Variants in NEUROD6 observed in about 807,000 individuals in gnomAD.
The protein encoded by NEUROD6 is neuronal differentiation 6.
Under a neutral mutation model 24.1 loss-of-function variants are expected in NEUROD6, and 5 were observed. The ratio of observed to expected loss-of-function variants is 0.21; its 90% CI spans 0.11 to 0.44. The LOEUF (loss-of-function observed/expected upper bound fraction) is 0.44. NEUROD6 is among the 20% of genes least tolerant of loss of function. The probability of loss-of-function intolerance (pLI) is 0.99; values close to 1 mark genes in which losing one functional copy is unlikely to be tolerated. For synonymous variants in NEUROD6, 182 were observed against 154.1 expected (o/e 1.18, Z -1.34); for missense variants, 325 against 409.5 (o/e 0.79, Z 1.78).
At chr7:31,339,534 A>G (rs1783102404) in intron 1 of NEUROD6, among the ~76,000 whole-genome samples, 1 of 152,190 alleles carries the variant, frequency 6.6e-6, no homozygotes, top group Non-Finnish European at 1.5e-5. Context: ...TGAAACATAT[A>G]ATTATTGTGA....
At position 31,338,996 on chromosome 7, in the gene NEUROD6, C is replaced by T. The variant is rs778117324; in HGVS notation, c.273G>A (p.Arg91=). The T allele has an allele frequency of 1.9e-6, 3 of 1,614,010 alleles. No individual in the cohort carries two copies. The highest frequency in any genetic ancestry group is 4.5e-5 in the East Asian group (2 of 44,886). ...TCGCTTCCTGTCTCCTGAACTTGAC[C>T]CTTTCCAATCGCAGCTTTGTTGTCT... ...KKKTTKLRLE[R]VKFRRQEANA... The change falls in exon 2 of 2, where the codon AGG becomes AGA. Residue 91 remains arginine, a synonymous_variant. Coordinates refer to ENST00000297142, the MANE Select transcript of NEUROD6 (RefSeq NM_022728.4). The surrounding 1 kb of genome is among the most constrained non-coding windows in gnomAD (Gnocchi z 5.1).
chr7:31,339,118 C>T lies in NEUROD6; in HGVS notation c.151G>A (p.Ala51Thr). 1 of 1,613,958 alleles carries T rather than the reference C, an allele frequency of 6.2e-7. No homozygotes were observed. Among genetic ancestry groups the T allele is most frequent in the Admixed American group, 1.7e-5 (1 of 60,002 alleles). ...TCTTTCTCGGTTTCTTCTCCAGGGGCCCTTTTGATGCTCTTTCCTCGAAGG... is the reference window on the plus strand; with the variant it reads ...TCTTTCTCGGTTTCTTCTCCAGGGGTCCTTTTGATGCTCTTTCCTCGAAGG... ...IVLRGKSIKRAPGEETEKEEE... is the reference protein window; with the variant it reads ...IVLRGKSIKRTPGEETEKEEE... Residue 51 changes from alanine to threonine, a missense_variant, in exon 2 of 2, where the codon GCC becomes ACC. Ala to Thr is a moderately conservative substitution (Grantham distance 58, BLOSUM62 0). Around this residue, in one of 3 missense-constraint regions of NEUROD6, gnomAD observed 109 missense variants for 107.3 expected, o/e 1.02. Coordinates refer to ENST00000297142, the MANE Select transcript of NEUROD6 (RefSeq NM_022728.4).
rs1187880993 is a variant in NEUROD6, at chr7:31,338,744, G to A, written c.525C>T (p.Asn175=). ...TGAGCTGCAAGCAGCCTGCCACCAA[G>A]TTTGTAGTTGGCTGGGAAAGACCTT... is the stretch of plus-strand genomic sequence containing the variant. ...LCKGLSQPTT[N]LVAGCLQLNA... is the part of the protein sequence containing the mutation. Residue 175 remains asparagine (N), a synonymous_variant, in exon 2 of 2, where the codon AAC becomes AAT. Transcript: ENST00000297142. This position sits in a 1 kb window ranked among gnomAD's most constrained non-coding sequence, Gnocchi z 5.1. 2 of 1,614,130 alleles carry A rather than the reference G, an allele frequency of 1.2e-6. No homozygotes were observed. Among genetic ancestry groups the A allele is most frequent in the South Asian group, 2.2e-5 (2 of 91,080 alleles).
Position 31,338,197 on chromosome 7 carries a change from G to C in NEUROD6, c.*58C>G, listed in dbSNP as rs1033588380. On this transcript the variant is annotated 3_prime_UTR_variant, in exon 2 of 2. Coordinates refer to ENST00000297142, the MANE Select transcript of NEUROD6 (RefSeq NM_022728.4). The surrounding 1 kb of genome is among the most constrained non-coding windows in gnomAD (Gnocchi z 5.1). ...CCAATTACTCAGCCCACAAGCATCT[G>C]CTTTGTCTTAATTAGACAGGGGAGG... 14 of 1,423,578 alleles carry C rather than the reference G, an allele frequency of 9.8e-6. No individual in the cohort carries two copies. Among genetic ancestry groups the C allele is most frequent in the Non-Finnish European group, 1.3e-5 (13 of 1,025,164 alleles). The allele number at this position is 1,423,578 out of a possible 1,614,324, so 88.2% of individuals were successfully genotyped here. A position where few individuals can be genotyped will look rare whatever the true frequency, so the allele number is the denominator to read the frequency against.
intron 1 of NEUROD6, 99 bp from the exon 2 acceptor site, chr7:31,339,388 G>T (rs1016030382): frequency 3.1e-6 from 3 of 975,250 alleles, no homozygotes; most frequent in Non-Finnish European, 4.2e-6. Context: ...ACAAAAACAC[G>T]TGAAAAAGAC....
Position 31,339,115 on chromosome 7 carries a change from G to A in NEUROD6, c.154C>T (p.Pro52Ser). The A allele has an allele frequency of 6.2e-7, 1 of 1,613,504 alleles. No individual in the cohort carries two copies. Among genetic ancestry groups the A allele is most frequent in the Non-Finnish European group, 8.5e-7 (1 of 1,179,898 alleles). Residue 52 changes from proline to serine, a missense_variant, in exon 2 of 2, where the codon CCT becomes TCT. By Grantham distance (74) the Pro-to-Ser change is moderately conservative. Transcript: ENST00000297142. ...VLRGKSIKRA[P>S]GEETEKEEEE... ...TCTTCTTTCTCGGTTTCTTCTCCAG[G>A]GGCCCTTTTGATGCTCTTTCCTCGA...
rs201546258 is a variant in NEUROD6 at position 31,339,118 on chromosome 7, C to A, written c.151G>T (p.Ala51Ser). Residue 51 changes from alanine (A) to serine (S), a missense_variant, in exon 2 of 2, where the codon GCC (alanine) becomes TCC (serine). Physicochemically the swap from Ala to Ser is moderately conservative, Grantham distance 99. Around this residue, in one of 3 missense-constraint regions of NEUROD6, gnomAD observed 109 missense variants for 107.3 expected, o/e 1.02. Transcript: ENST00000297142. Reference protein sequence around the residue: ...IVLRGKSIKRAPGEETEKEEE... With the variant: ...IVLRGKSIKRSPGEETEKEEE... ...TCTTTCTCGGTTTCTTCTCCAGGGG[C>A]CCTTTTGATGCTCTTTCCTCGAAGG... 3 of 1,613,958 alleles carry A rather than the reference C, an allele frequency of 1.9e-6. No homozygotes were observed. The highest frequency in any genetic ancestry group is 2.7e-5 in the African/African-American group (2 of 74,966).
intron 1 of NEUROD6, among the ~76,000 whole-genome samples, chr7:31,340,154 TCTAG>T (rs1783107858): frequency 6.6e-6 from 1 of 152,218 alleles, no homozygotes; most frequent in Non-Finnish European, 1.5e-5. Flanking sequence ...GAAGTCTCCC[TCTAG>T]CTAATATCTG....
chr7:31,339,379 C>A (rs910531014), intron 1 of NEUROD6, 90 bp from the exon 2 acceptor site: 1 of 1,052,764 alleles, frequency 9.5e-7, no homozygotes. Flanking sequence ...CATAAGATTA[C>A]AAAAACACGT....
Position 31,338,215 on chromosome 7 carries a change from A to G in NEUROD6, c.*40T>C, listed in dbSNP as rs1305780077. On this transcript the variant is annotated 3_prime_UTR_variant, in exon 2 of 2. Transcript: ENST00000297142. This position sits in a 1 kb window ranked among gnomAD's most constrained non-coding sequence, Gnocchi z 5.1. ...AGCATCTGCTTTGTCTTAATTAGAC[A>G]GGGGAGGTGAATGACCACTGTTTAT... 4 of 1,538,324 alleles carry G rather than the reference A, an allele frequency of 2.6e-6. No homozygotes were observed. Among genetic ancestry groups the G allele is most frequent in the Admixed American group, 1.7e-5 (1 of 59,084 alleles).
At position 31,338,123 on chromosome 7, in the gene NEUROD6, T is replaced by G. The variant is rs1022083327; in HGVS notation, c.*132A>C. 1.8e-5 allele frequency: 12 copies of G among 659,768 alleles called. No homozygotes were observed. The African/African-American group carries it at 2.0e-4, about 11-fold the overall frequency. 40.9% of individuals were successfully genotyped at this position (659,768 alleles called of 1,614,324 possible). Reference sequence around the variant, plus strand: ...ATTATTACATAGAAAATTCTCACAATAGTTGAAACACACTTCAGAAACTAG... The same window carrying G: ...ATTATTACATAGAAAATTCTCACAAGAGTTGAAACACACTTCAGAAACTAG... On this transcript the variant is annotated 3_prime_UTR_variant, in exon 2 of 2. Coordinates refer to ENST00000297142, the MANE Select transcript of NEUROD6 (RefSeq NM_022728.4). The surrounding 1 kb of genome is among the most constrained non-coding windows in gnomAD (Gnocchi z 5.1).
Position 31,339,147 on chromosome 7 carries a change from A to G in NEUROD6, c.122T>C (p.Ile41Thr). The part of the protein sequence containing the change: ...IKKPESFSKQ[I>T]VLRGKSIKRA... ...TTTGATGCTCTTTCCTCGAAGGACA[A>G]TCTGTTTGGAAAAGCTTTCTGGCTT... Residue 41 changes from isoleucine (I) to threonine (T), a missense_variant, in exon 2 of 2, where the codon ATT becomes ACT. Physicochemically the swap from Ile to Thr is moderately conservative, Grantham distance 89 (BLOSUM62 -1). Coordinates refer to ENST00000297142, the MANE Select transcript of NEUROD6 (RefSeq NM_022728.4). The G allele has an allele frequency of 6.2e-7, 1 of 1,613,838 alleles. No homozygotes were observed. Among genetic ancestry groups the G allele is most frequent in the Non-Finnish European group, 8.5e-7 (1 of 1,179,982 alleles).
chr7:31,338,963 G>A lies in NEUROD6; in HGVS notation c.306C>T (p.Arg102=), dbSNP rs774543274. 2.5e-6 allele frequency: 4 copies of A among 1,614,022 alleles called. No individual in the cohort carries two copies. The highest frequency in any genetic ancestry group is 1.7e-5 in the Admixed American group (1 of 60,008). ...VKFRRQEANA[R]ERNRMHGLND... ...TGAGGCCGTGCATCCTGTTCCTCTC[G>A]CGCGCGTTCGCTTCCTGTCTCCTGA... Residue 102 remains arginine (R), a synonymous_variant, in exon 2 of 2, where the codon CGC becomes CGT. Coordinates refer to ENST00000297142, the MANE Select transcript of NEUROD6 (RefSeq NM_022728.4). The surrounding 1 kb of genome is among the most constrained non-coding windows in gnomAD (Gnocchi z 5.1).
At chr7:31,339,624 T>C (rs925410739) in intron 1 of NEUROD6, among the ~76,000 whole-genome samples, 1 of 152,184 alleles carries the variant, frequency 6.6e-6, no homozygotes, top group Admixed American at 6.5e-5. Context: ...TTCAAGCAAA[T>C]GCAAAACATG....
chr7:31,338,455 A>G lies in NEUROD6; in HGVS notation c.814T>C (p.Ser272Pro), dbSNP rs1783090883. 1 of 1,613,990 alleles carries G rather than the reference A, an allele frequency of 6.2e-7. No individual in the cohort carries two copies. The change falls in exon 2 of 2, where the codon TCC becomes CCC. Residue 272 changes from serine (S) to proline (P), a missense_variant. This residue lies in a region of NEUROD6 where 175 missense variants were observed against 201.3 expected (regional missense o/e 0.87). Coordinates refer to ENST00000297142, the MANE Select transcript of NEUROD6 (RefSeq NM_022728.4). This position sits in a 1 kb window ranked among gnomAD's most constrained non-coding sequence, Gnocchi z 5.1. The part of the protein sequence containing the change: ...PPPINYNGIF[S>P]LKQEETLDYG... ...TCCAAGGTTTCTTCTTGCTTCAGGG[A>G]AAATATCCCATTATAGTTAATTGGG...
In NEUROD6 at chr7:31,338,173, C is replaced by T. The variant is rs967686447; in HGVS notation, c.*82G>A. 8.7e-6 allele frequency: 10 copies of T among 1,146,902 alleles called. No individual in the cohort carries two copies. Among genetic ancestry groups the T allele is most frequent in the Non-Finnish European group, 1.1e-5 (9 of 800,680 alleles). The allele number at this position is 1,146,902 out of a possible 1,614,324, so 71.0% of individuals were successfully genotyped here. On this transcript the variant is annotated 3_prime_UTR_variant, in exon 2 of 2. Transcript: ENST00000297142. This position sits in a 1 kb window ranked among gnomAD's most constrained non-coding sequence, Gnocchi z 5.1. ...GTAAACACCTTAGATAGAGTTGTGC[C>T]AATTACTCAGCCCACAAGCATCTGC...
Position 31,338,171 on chromosome 7 carries a change from G to T in NEUROD6, c.*84C>A. 9.1e-7 allele frequency: 1 copy of T among 1,102,830 alleles called. No individual in the cohort carries two copies. The highest frequency in any genetic ancestry group is 1.3e-6 in the Non-Finnish European group (1 of 763,014). The allele number at this position is 1,102,830 out of a possible 1,614,324, so 68.3% of individuals were successfully genotyped here. On this transcript the variant is annotated 3_prime_UTR_variant, in exon 2 of 2. Coordinates refer to ENST00000297142, the MANE Select transcript of NEUROD6 (RefSeq NM_022728.4). This position sits in a 1 kb window ranked among gnomAD's most constrained non-coding sequence, Gnocchi z 5.1. Reference sequence around the variant, plus strand: ...TAGTAAACACCTTAGATAGAGTTGTGCCAATTACTCAGCCCACAAGCATCT... The same window carrying T: ...TAGTAAACACCTTAGATAGAGTTGTTCCAATTACTCAGCCCACAAGCATCT...
intron 1 of NEUROD6, among the ~76,000 whole-genome samples, chr7:31,340,357 G>A (rs973008500): frequency 2.1e-4 from 32 of 152,100 alleles, no homozygotes; most frequent in African/African-American, 7.0e-4. Flanking sequence ...ACAATCTCCA[G>A]CCCCCTCAAC....
At chr7:31,339,413 AT>A in intron 1 of NEUROD6, 124 bp from the exon 2 acceptor site, 3 of 699,902 alleles carry the variant, frequency 4.3e-6, no homozygotes, top group Non-Finnish European at 6.4e-6. Context: ...TCTGGGCCTG[AT>A]TTTTTAACAT....
Sources: gnomAD v4.1 joint callset for allele counts (sites outside exome capture counted in the v4.1 genomes callset) on GRCh38, gnomAD v4.1.1 for gene constraint, gnomAD v4.1.1 regional missense constraint, Gnocchi (gnomAD v3.1) non-coding constraint, MANE v1.5 for transcripts, NCBI Gene and HGNC (gene_info 2026-07-23, HGNC 2026-07-21) for gene names.